MYOM1: variants seen among roughly 807,000 people sequenced by gnomAD.
MYOM1 encodes myomesin 1, also known as myomesin-1.
A neutral mutation model predicts 205.3 loss-of-function variants in MYOM1; 164 were observed. The ratio of observed to expected loss-of-function variants is 0.80; its 90% confidence interval spans 0.70 to 0.91. The LOEUF (loss-of-function observed/expected upper bound fraction) is 0.91. Ranked by LOEUF, MYOM1 falls within the 40% of genes least tolerant of loss-of-function variation. The probability of loss-of-function intolerance (pLI) is 0.00; values close to 1 mark genes in which losing one functional copy is unlikely to be tolerated. For missense variants in MYOM1, 2,011 were observed against 2,127.3 expected, an observed-to-expected ratio of 0.95 and a Z score of 1.08; for synonymous variants, 772 against 789.4, an observed-to-expected ratio of 0.98 and a Z score of 0.37.
At position 3,151,812 on chromosome 18, in the gene MYOM1, G is replaced by T. The variant is rs780564541; in HGVS notation, c.1725C>A (p.Ile575=). Residue 575 remains isoleucine, a synonymous_variant, in exon 12 of 38, where the codon ATC becomes ATA. Coordinates refer to ENST00000356443, the MANE Select transcript of MYOM1 (RefSeq NM_003803.4). Reference sequence around the variant, plus strand: ...CTCGGAAGATATAGGAACGACCTTCGATCAATCCAGTGACAGGAAAACGAG... The same window carrying T: ...CTCGGAAGATATAGGAACGACCTTCTATCAATCCAGTGACAGGAAAACGAG... ...KFARFPVTGL[I]EGRSYIFRVR... 5.6e-6 allele frequency: 9 copies of T among 1,613,682 alleles called. No homozygotes were observed. In the African/African-American group the frequency reaches 1.1e-4, roughly 19 times the overall value.
At chr18:3,175,976 A>T in intron 6 of MYOM1, 66 bp downstream of exon 6, 1 of 957,918 alleles carries the variant, frequency 1.0e-6, no homozygotes. Context: ...AGTGGCTGTT[A>T]ACTGCAGGGG....
chr18:3,204,146 C>T (rs1421592907), intron 2 of MYOM1, among the ~76,000 whole-genome samples: 3 of 151,956 alleles, frequency 2.0e-5, no homozygotes, highest in Non-Finnish European at 4.4e-5. Context: ...CACCTAATGT[C>T]ATACTTAATG....
At chr18:3,236,176 C>CTTCACTTCA in the MYOM1 span, among the ~76,000 whole-genome samples, 2 of 151,540 alleles carry the variant, frequency 1.3e-5, no homozygotes, top group East Asian at 3.9e-4. Flanking sequence ...CTTCACTTCA[C>CTTCACTTCA]CATGGAGGGT....
At chr18:3,134,925 A>G in intron 15 of MYOM1, 101 bp from the exon 16 acceptor site, 1 of 1,165,570 alleles carries the variant, frequency 8.6e-7, no homozygotes, top group Non-Finnish European at 1.2e-6. Flanking sequence ...ACACTTCGTC[A>G]TGTCAAAAGA....
intron 10 of MYOM1, among the ~76,000 whole-genome samples, chr18:3,156,228 G>T (rs1043406911): frequency 6.6e-6 from 1 of 152,180 alleles, no homozygotes; most frequent in Non-Finnish European, 1.5e-5. Flanking sequence ...TTTCATAAAC[G>T]GAGTTAGTAG....
At chr18:3,174,931 T>C (rs2080615137) in intron 6 of MYOM1, among the ~76,000 whole-genome samples, 1 of 152,140 alleles carries the variant, frequency 6.6e-6, no homozygotes, top group Non-Finnish European at 1.5e-5. Flanking sequence ...AGGGAGAGAA[T>C]GGTTTCATGG....
Position 3,142,012 on chromosome 18 carries a change from C to T in MYOM1, c.1952G>A (p.Arg651Gln), listed in dbSNP as rs184721031. The part of the protein sequence containing the change: ...PTDLSVTEAT[R>Q]SYVVLSWKPP... Reference sequence around the variant, plus strand: ...CTTCCAGCTGAGCACCACATAGCTCCGGGTGGCCTCAGTGACAGAGAGGTC... The same window carrying T: ...CTTCCAGCTGAGCACCACATAGCTCTGGGTGGCCTCAGTGACAGAGAGGTC... The change falls in exon 14 of 38, where the codon CGG becomes CAG. Residue 651 changes from arginine (R) to glutamine (Q), a missense_variant. Physicochemically the swap from Arg to Gln is conservative, Grantham distance 43. Transcript: ENST00000356443. The T allele has an allele frequency of 2.1e-4, 343 of 1,613,812 alleles. 1 individual carries two copies. In the Admixed American group the frequency reaches 5.1e-3, roughly 24 times the overall value.
At chr18:3,123,178 T>C (rs1386560299) in intron 19 of MYOM1, among the ~76,000 whole-genome samples, 2 of 152,110 alleles carry the variant, frequency 1.3e-5, no homozygotes, top group Non-Finnish European at 2.9e-5. Context: ...GAAAGTAAGG[T>C]AAGAAAATGA....
chr18:3,134,727 G>A lies in MYOM1; in HGVS notation c.2307C>T (p.Val769=), dbSNP rs1029198912. The A allele has an allele frequency of 6.2e-6, 10 of 1,613,768 alleles. No individual in the cohort carries two copies. Among genetic ancestry groups the A allele is most frequent in the Middle Eastern group, 1.6e-4 (1 of 6,084 alleles). The change falls in exon 16 of 38, where the codon GTC becomes GTT. Residue 769 remains valine (V), a synonymous_variant. Coordinates refer to ENST00000356443, the MANE Select transcript of MYOM1 (RefSeq NM_003803.4). Reference sequence around the variant, plus strand: ...CAACGCTCGCCTCTATGTAGTACCCGACCAGCTCTTTGGCATCTTTGGACT... The same window carrying A: ...CAACGCTCGCCTCTATGTAGTACCCAACCAGCTCTTTGGCATCTTTGGACT... ...WEESKDAKEL[V]GYYIEASVAG...
In MYOM1 at chr18:3,151,826, CA is replaced by C. The variant is rs1425691648; in HGVS notation, c.1710del (p.Val571SerfsTer4). Reference protein sequence around the residue: ...NDTPVKFARFPVTGLIEGRSY... With the variant: ...NDTPVKFARFXVTGLIEGRSY... The stretch of plus-strand genomic sequence containing the variant: ...GAACGACCTTCGATCAATCCAGTGA[CA>C]GGAAAACGAGCAAACTTCACAGGTG... On this transcript the variant is annotated frameshift_variant, in exon 12 of 38. Coordinates refer to ENST00000356443, the MANE Select transcript of MYOM1 (RefSeq NM_003803.4). LOFTEE classifies it high-confidence loss of function. 1 of 1,613,862 alleles carries C rather than the reference CA, an allele frequency of 6.2e-7. No individual in the cohort carries two copies. Among genetic ancestry groups the C allele is most frequent in the Admixed American group, 1.7e-5 (1 of 60,014 alleles).
upstream of MYOM1, among the ~76,000 whole-genome samples, chr18:3,221,443 T>C (rs1377549396): frequency 6.6e-5 from 10 of 152,208 alleles, no homozygotes; most frequent in Non-Finnish European, 1.5e-4. Flanking sequence ...GCAGTTTATA[T>C]ACATGATCCC....
chr18:3,218,874 A>G (rs562173258), intron 1 of MYOM1, among the ~76,000 whole-genome samples: 1 of 152,234 alleles, frequency 6.6e-6, no homozygotes, highest in African/African-American at 2.4e-5. Context: ...TTTCTCCCAA[A>G]TACATTTATT....
chr18:3,113,897 G>A (rs954926400), intron 21 of MYOM1, among the ~76,000 whole-genome samples: 3 of 152,072 alleles, frequency 2.0e-5, no homozygotes, highest in Non-Finnish European at 4.4e-5. Context: ...ATTTAAATGA[G>A]GTACGTATTA....
the MYOM1 span, among the ~76,000 whole-genome samples, chr18:3,231,612 T>C: frequency 6.7e-6 from 1 of 148,414 alleles, no homozygotes; most frequent in Admixed American, 6.8e-5. Context: ...CGATCTTGGC[T>C]CGCTACAACC....
chr18:3,133,585 A>G (rs2079908690), intron 16 of MYOM1, among the ~76,000 whole-genome samples: 1 of 152,174 alleles, frequency 6.6e-6, no homozygotes, highest in Admixed American at 6.5e-5. Context: ...TAAAATTTCG[A>G]TACTTTTTTC....
chr18:3,235,726 A>G, the MYOM1 span, among the ~76,000 whole-genome samples: 3 of 152,242 alleles, frequency 2.0e-5, no homozygotes, highest in Admixed American at 1.3e-4. Context: ...CAAAATGAGT[A>G]AAGTGCCTGG....
At chr18:3,157,587 G>C (rs1252950220) in intron 10 of MYOM1, among the ~76,000 whole-genome samples, 2 of 151,494 alleles carry the variant, frequency 1.3e-5, no homozygotes, top group African/African-American at 4.9e-5. Context: ...TGAGGGAAGA[G>C]GATTGCTTGA....
chr18:3,095,339 G>A (rs966996954), intron 25 of MYOM1, among the ~76,000 whole-genome samples: 11 of 152,058 alleles, frequency 7.2e-5, no homozygotes, highest in Non-Finnish European at 1.3e-4. Flanking sequence ...GAGGCCGAGG[G>A]GGGCAAATCC....
chr18:3,094,318 A>C lies in MYOM1; in HGVS notation c.3728-12T>G, dbSNP rs193055116. On this transcript the variant is annotated splice_polypyrimidine_tract_variant and intron_variant, in intron 25 of 37. Coordinates refer to ENST00000356443, the MANE Select transcript of MYOM1 (RefSeq NM_003803.4). The stretch of plus-strand genomic sequence containing the variant: ...TTTAACTGGGACAGCTATGAAAAGT[A>C]AAAATAAACACAGTAATTATATTGG... 238 of 1,603,608 alleles carry C rather than the reference A, an allele frequency of 1.5e-4. No homozygotes were observed. The African/African-American group carries it at 2.5e-3, about 17-fold the overall frequency.
Sources: allele counts gnomAD v4.1 joint callset (sites outside exome capture counted in the v4.1 genomes callset), GRCh38; gene constraint gnomAD v4.1.1; transcripts MANE v1.5; gene names NCBI Gene and HGNC (gene_info 2026-07-23, HGNC 2026-07-21).